Variants in MGAT4C observed in about 807,000 individuals in gnomAD.
MGAT4C encodes alpha-1,3-mannosyl-glycoprotein 4-beta-N-acetylglucosaminyltransferase C.
In MGAT4C, 19 loss-of-function variants were observed where a neutral mutation model predicts 40.1. The observed-to-expected ratio is 0.47, with a 90% CI of 0.33 to 0.70. The LOEUF (loss-of-function observed/expected upper bound fraction) is 0.70. Among genes scored for constraint, MGAT4C ranks in the 30% least tolerant of loss-of-function variants. MGAT4C has a pLI of 0.02. For missense variants in MGAT4C, 491 were observed against 563.2 expected, an observed-to-expected ratio of 0.87 and a Z score of 1.30; for synonymous variants, 181 against 187.1, an observed-to-expected ratio of 0.97 and a Z score of 0.27.
rs911798697 is a variant in MGAT4C, at chr12:86,430,728, A to G, written c.-120+4429T>C. Among the ~76,000 whole-genome samples the G allele has an allele frequency of 5.3e-5, 8 of 152,246 alleles. No homozygotes were observed. In the South Asian group the frequency reaches 1.7e-3, roughly 32 times the overall value. On this transcript the variant is annotated intron_variant, in intron 3 of 7. Transcript: ENST00000548651. ...AGGTTAGGTGGAGTCATTACTCTGG[A>G]CAGGTGGATCCAGAGGCTATGGTCC... is the stretch of plus-strand genomic sequence containing the variant.
At chr12:86,650,223 T>C (rs1295769556) in intron 2 of MGAT4C, among the ~76,000 whole-genome samples, 1 of 151,902 alleles carries the variant, frequency 6.6e-6, no homozygotes, top group Non-Finnish European at 1.5e-5. Context: ...CCACATATCC[T>C]ACAACAAAGA....
chr12:86,354,686 G>A (rs1211269036), intron 3 of MGAT4C, among the ~76,000 whole-genome samples: 1 of 152,238 alleles, frequency 6.6e-6, no homozygotes, highest in Non-Finnish European at 1.5e-5. Context: ...ACAACAGAGA[G>A]TAGTTTGAAC....
chr12:86,567,770 A>G (rs1337244064), intron 2 of MGAT4C, among the ~76,000 whole-genome samples: 1 of 152,164 alleles, frequency 6.6e-6, no homozygotes, highest in African/African-American at 2.4e-5. Context: ...GAGGACTGTG[A>G]TTGTCATGAG....
intron 4 of MGAT4C, among the ~76,000 whole-genome samples, chr12:86,323,127 G>A (rs888970614): frequency 6.6e-6 from 1 of 150,580 alleles, no homozygotes. Context: ...TATTTTCTTG[G>A]AAGTTTTTTT....
rs376122609 is a variant in MGAT4C, at chr12:86,383,093, G to A, written c.-119-48966C>T. 1.4e-4 allele frequency among the ~76,000 whole-genome samples: 21 copies of A among 152,308 alleles called. No homozygotes were observed. In the East Asian group the frequency reaches 3.5e-3, roughly 25 times the overall value. On this transcript the variant is annotated intron_variant, in intron 3 of 7. Coordinates refer to the MGAT4C transcript ENST00000548651. ...CAGCCTGCATTGGGTTTCTTGAAAA[G>A]CTACAGACATTCAATGCCAGCTCAT... is the stretch of plus-strand genomic sequence containing the variant.
At chr12:86,573,629 ACTTT>A (rs1294841658) in intron 2 of MGAT4C, among the ~76,000 whole-genome samples, 1 of 152,012 alleles carries the variant, frequency 6.6e-6, no homozygotes, top group African/African-American at 2.4e-5. Flanking sequence ...AATAATGTGA[ACTTT>A]CTTTACTATT....
At chr12:86,606,006 G>A (rs1307844675) in intron 2 of MGAT4C, among the ~76,000 whole-genome samples, 3 of 152,080 alleles carry the variant, frequency 2.0e-5, no homozygotes, top group African/African-American at 7.2e-5. Flanking sequence ...ATGTCAGAAG[G>A]CGAAGGGTAA....
At chr12:86,176,516 C>A (rs1248079598) in intron 1 of MGAT4C, among the ~76,000 whole-genome samples, 1 of 151,956 alleles carries the variant, frequency 6.6e-6, no homozygotes, top group Non-Finnish European at 1.5e-5. Flanking sequence ...TCTTATATAT[C>A]CCTATATATT....
intron 3 of MGAT4C, among the ~76,000 whole-genome samples, chr12:86,378,547 A>G (rs994921955): frequency 7.2e-5 from 11 of 152,162 alleles, no homozygotes; most frequent in African/African-American, 2.7e-4. Context: ...CTTCATTTTA[A>G]CATTATTTTA....
intron 2 of MGAT4C, among the ~76,000 whole-genome samples, chr12:86,511,433 A>G (rs1295220180): frequency 2.0e-5 from 3 of 152,256 alleles, no homozygotes; most frequent in African/African-American, 7.2e-5. Flanking sequence ...TGATGCTATT[A>G]TAAATCGAAC....
intron 1 of MGAT4C, among the ~76,000 whole-genome samples, chr12:86,237,897 A>G (rs1951622036): frequency 6.6e-6 from 1 of 151,926 alleles, no homozygotes; most frequent in Non-Finnish European, 1.5e-5. Context: ...TTCGTTCATA[A>G]TCTGTGGTCT....
At chr12:86,598,367 G>T (rs890796268) in intron 2 of MGAT4C, among the ~76,000 whole-genome samples, 6 of 151,992 alleles carry the variant, frequency 3.9e-5, no homozygotes, top group Non-Finnish European at 8.8e-5. Flanking sequence ...ATATATGTTT[G>T]TGTATAGAGA....
chr12:86,420,595 C>T (rs189224016), intron 3 of MGAT4C, among the ~76,000 whole-genome samples: 27 of 151,666 alleles, frequency 1.8e-4, no homozygotes, highest in South Asian at 4.2e-4. Context: ...AGAAATAAAC[C>T]GTAGAAAAAT....
chr12:85,983,428 A>C (rs1884848226), intron 4 of MGAT4C, 95 bp downstream of exon 4: 1 of 1,134,276 alleles, frequency 8.8e-7, no homozygotes, highest in Admixed American at 3.0e-5. Flanking sequence ...ATATTAGTAA[A>C]GCCCTTAAGC....
chr12:86,151,469 C>T (rs559613605), intron 1 of MGAT4C, among the ~76,000 whole-genome samples: 5 of 152,192 alleles, frequency 3.3e-5, no homozygotes, highest in South Asian at 2.1e-4. Flanking sequence ...AAAAATTAGC[C>T]GGGCATGTTG....
At chr12:86,648,961 C>G (rs1465473672) in intron 2 of MGAT4C, among the ~76,000 whole-genome samples, 1 of 151,670 alleles carries the variant, frequency 6.6e-6, no homozygotes, top group African/African-American at 2.4e-5. Flanking sequence ...AATTTCAATG[C>G]ATTTTTGTTG....
intron 2 of MGAT4C, among the ~76,000 whole-genome samples, chr12:86,448,781 G>T (rs959863724): frequency 2.0e-5 from 3 of 152,114 alleles, no homozygotes; most frequent in Non-Finnish European, 4.4e-5. Flanking sequence ...TCAACTTTAT[G>T]TTTCTTCCCC....
chr12:86,655,722 A>G (rs1169628743), intron 2 of MGAT4C, among the ~76,000 whole-genome samples: 1 of 152,122 alleles, frequency 6.6e-6, no homozygotes, highest in Admixed American at 6.6e-5. Context: ...CTCCCTCTGC[A>G]TTTAAAAAGA....
At chr12:86,748,298 A>C (rs1184081808) in intron 1 of MGAT4C, among the ~76,000 whole-genome samples, 2 of 151,652 alleles carry the variant, frequency 1.3e-5, no homozygotes, top group African/African-American at 4.8e-5. Context: ...TAATTGTATA[A>C]TTACCTTAAA....
Sources: gnomAD v4.1 joint callset for allele counts (sites outside exome capture counted in the v4.1 genomes callset) on GRCh38, gnomAD v4.1.1 for gene constraint, MANE v1.5 for transcripts, NCBI Gene and HGNC (gene_info 2026-07-23, HGNC 2026-07-21) for gene names.